Variants in SNRPE observed in about 807,000 individuals in gnomAD.
The protein encoded by SNRPE is small nuclear ribonucleoprotein E.
For synonymous variants in SNRPE, 35 were observed against 36.7 expected (o/e 0.95, Z 0.17); for missense variants, 53 against 111.6 (o/e 0.48, Z 2.36).
In SNRPE at chr1:203,870,252, G is replaced by A. The variant is rs1572408705; in HGVS notation, c.*320G>A. 1 of 210,440 alleles carries A rather than the reference G, an allele frequency of 4.8e-6. No homozygotes were observed. Among genetic ancestry groups the A allele is most frequent in the East Asian group, 1.0e-4 (1 of 9,698 alleles). The allele number at this position is 210,440 out of a possible 1,614,324, so 13.0% of individuals were successfully genotyped here. A position where few individuals can be genotyped will look rare whatever the true frequency, so the allele number is the denominator to read the frequency against. Reference sequence around the variant, plus strand: ...ATTAGGAATTCTGCCTGATGGGTAAGCTTCCAGTATTGGGAGGTGGAGAAG... The same window carrying A: ...ATTAGGAATTCTGCCTGATGGGTAAACTTCCAGTATTGGGAGGTGGAGAAG... On this transcript the variant is annotated 3_prime_UTR_variant, in exon 5 of 5. Coordinates refer to ENST00000414487, the MANE Select transcript of SNRPE (RefSeq NM_003094.4).
intron 2 of SNRPE, 97 bp downstream of exon 2, chr1:203,862,319 T>A: frequency 1.2e-6 from 1 of 858,352 alleles, no homozygotes; most frequent in Non-Finnish European, 2.0e-6. Context: ...TTCTAGAATT[T>A]AAAAATAGAT....
Position 203,861,643 on chromosome 1 carries a change from C to G in SNRPE, c.-17C>G, listed in dbSNP as rs148378993. 9 of 1,609,268 alleles carry G rather than the reference C, an allele frequency of 5.6e-6. No homozygotes were observed. The highest frequency in any genetic ancestry group is 1.3e-5 in the African/African-American group (1 of 74,816). On this transcript the variant is annotated 5_prime_UTR_variant, in exon 1 of 5. Transcript: ENST00000414487. ...CTCAGAGGCAGCGTGCGGGTGTGCT[C>G]TTTGTGAAATTCCACCATGGCGTAC...
chr1:203,865,529 A>G (rs571309095), intron 4 of SNRPE, among the ~76,000 whole-genome samples: 112 of 152,278 alleles, frequency 7.4e-4, no homozygotes, highest in Non-Finnish European at 1.3e-3. Context: ...GACCAGATGT[A>G]TGGGCATATT....
At chr1:203,864,560 A>G (rs145479096) in intron 3 of SNRPE, among the ~76,000 whole-genome samples, 7 of 152,190 alleles carry the variant, frequency 4.6e-5, no homozygotes, top group African/African-American at 1.7e-4. Context: ...AACTATAGGC[A>G]TACACCACCA....
At position 203,865,778 on chromosome 1, in the gene SNRPE, C is replaced by T. The variant is rs149010679; in HGVS notation, c.223+659C>T. On this transcript the variant is annotated intron_variant, in intron 4 of 4. Transcript: ENST00000414487. ...TATAAACTGGGTCCCATGACCCCTC[C>T]GTTGGTTTGATTAATTTGCTAGAGC... Among the ~76,000 whole-genome samples the T allele has an allele frequency of 4.6e-5, 7 of 152,262 alleles. No homozygotes were observed. The East Asian group carries it at 1.2e-3, about 25-fold the overall frequency.
At chr1:203,866,839 C>T (rs1454642967) in intron 4 of SNRPE, among the ~76,000 whole-genome samples, 3 of 151,974 alleles carry the variant, frequency 2.0e-5, no homozygotes, top group Non-Finnish European at 4.4e-5. Context: ...TCTCGTATCA[C>T]TGCCTCACTT....
At position 203,865,130 on chromosome 1, in the gene SNRPE, A is replaced by G. The variant is rs1469361145; in HGVS notation, c.223+11A>G. ...CAAGAAAACAACTGGGTAAGGATAG[A>G]AGTGGTCTTACAGAATTCTAGAAAT... On this transcript the variant is annotated intron_variant, in intron 4 of 4. Coordinates refer to ENST00000414487, the MANE Select transcript of SNRPE (RefSeq NM_003094.4). 7 of 1,603,082 alleles carry G rather than the reference A, an allele frequency of 4.4e-6. No homozygotes were observed. The highest frequency in any genetic ancestry group is 5.1e-6 in the Non-Finnish European group (6 of 1,173,538).
At chr1:203,864,959 G>A in intron 3 of SNRPE, 82 bp from the exon 4 acceptor site, 1 of 1,351,186 alleles carries the variant, frequency 7.4e-7, no homozygotes, top group Non-Finnish European at 9.8e-7. Flanking sequence ...GTTAGTTGGA[G>A]TTTTTATCTG....
intron 1 of SNRPE, 88 bp downstream of exon 1, chr1:203,861,801 G>A: frequency 9.0e-6 from 9 of 1,002,112 alleles, no homozygotes; most frequent in Non-Finnish European, 1.3e-5. Flanking sequence ...TGGGATAGTG[G>A]AGTACGGATC....
intron 4 of SNRPE, among the ~76,000 whole-genome samples, chr1:203,866,997 G>T (rs1392087261): frequency 5.3e-5 from 8 of 151,460 alleles, no homozygotes; most frequent in Admixed American, 4.6e-4. Flanking sequence ...TAGGCCAGGT[G>T]CAGTGGCTCA....
chr1:203,869,064 C>T (rs1429447358), intron 4 of SNRPE, among the ~76,000 whole-genome samples: 1 of 152,094 alleles, frequency 6.6e-6, no homozygotes, highest in African/African-American at 2.4e-5. Flanking sequence ...TGTTGAATTC[C>T]CATGGTAGTA....
At chr1:203,867,125 A>T (rs1373155308) in intron 4 of SNRPE, among the ~76,000 whole-genome samples, 11 of 143,148 alleles carry the variant, frequency 7.7e-5, no homozygotes, top group Non-Finnish European at 3.1e-5. Context: ...AAAAAAAAAA[A>T]AAAAATTAGC....
At chr1:203,866,909 C>G (rs1050024146) in intron 4 of SNRPE, among the ~76,000 whole-genome samples, 1 of 151,650 alleles carries the variant, frequency 6.6e-6, no homozygotes, top group South Asian at 2.1e-4. Context: ...TTTGCCCAAC[C>G]ATTAATCTTT....
chr1:203,863,645 C>A lies in SNRPE; in HGVS notation c.82-18C>A. On this transcript the variant is annotated intron_variant, in intron 2 of 4. Coordinates refer to ENST00000414487, the MANE Select transcript of SNRPE (RefSeq NM_003094.4). ...TATTTTTCTTTTTTTAACGTTTCCA[C>A]TTTTATGATTATTTCAGAGATCGCG... 6.2e-7 allele frequency: 1 copy of A among 1,603,816 alleles called. No homozygotes were observed.
chr1:203,864,267 T>G (rs958326697), intron 3 of SNRPE, among the ~76,000 whole-genome samples: 2 of 151,768 alleles, frequency 1.3e-5, no homozygotes, highest in African/African-American at 4.8e-5. Flanking sequence ...AATTAACTTT[T>G]AAAAATTATT....
At chr1:203,865,448 A>G (rs1401855900) in intron 4 of SNRPE, among the ~76,000 whole-genome samples, 1 of 152,132 alleles carries the variant, frequency 6.6e-6, no homozygotes, top group Admixed American at 6.6e-5. Context: ...CCCGTGTCTG[A>G]GTGGCAGGAA....
intron 2 of SNRPE, 97 bp from the exon 3 acceptor site, chr1:203,863,566 C>T: frequency 2.5e-6 from 2 of 789,050 alleles, no homozygotes; most frequent in Non-Finnish European, 4.5e-6. Context: ...TGATCCACCT[C>T]CCTCGGCCTC....
In SNRPE at chr1:203,864,899, A is replaced by C. The variant is rs564080590; in HGVS notation, c.145-142A>C. Reference sequence around the variant, plus strand: ...CTCAAAAAAAAAAAAAAAAAAAAAAAAACTTTGGGTGGAAGGTGGGGTGGG... The same window carrying C: ...CTCAAAAAAAAAAAAAAAAAAAAAACAACTTTGGGTGGAAGGTGGGGTGGG... On this transcript the variant is annotated intron_variant, in intron 3 of 4. Coordinates refer to ENST00000414487, the MANE Select transcript of SNRPE (RefSeq NM_003094.4). 293 of 491,180 alleles carry C rather than the reference A, an allele frequency of 6.0e-4. 2 individuals are homozygous for C. In the African/African-American group the frequency reaches 6.1e-3, roughly 10 times the overall value. 30.4% of individuals were successfully genotyped at this position (491,180 alleles called of 1,614,324 possible).
intron 4 of SNRPE, among the ~76,000 whole-genome samples, chr1:203,868,764 G>T (rs373723080): frequency 1.2e-4 from 19 of 152,106 alleles, no homozygotes; most frequent in African/African-American, 4.3e-4. Context: ...CCACCTCCTG[G>T]GTTCAAGCGA....
Sources: gnomAD v4.1 joint callset for allele counts (sites outside exome capture counted in the v4.1 genomes callset) on GRCh38, gnomAD v4.1.1 for gene constraint, MANE v1.5 for transcripts, NCBI Gene and HGNC (gene_info 2026-07-23, HGNC 2026-07-21) for gene names.